The following HFM1 variants were observed in gnomAD, a reference collection of about 807,000 sequenced individuals.
The protein encoded by HFM1 is helicase for meiosis 1.
In HFM1, 169 loss-of-function variants were observed where a neutral mutation model predicts 192.1. The ratio of observed to expected loss-of-function variants is 0.88; its 90% CI spans 0.78 to 1.00. The LOEUF (loss-of-function observed/expected upper bound fraction) is 1.00, where lower values mean the gene tolerates loss of function less well. Among genes scored for constraint, HFM1 ranks in the 50% least tolerant of loss-of-function variants. The pLI is 0.00. For missense variants in HFM1, 1,661 were observed against 1,668.0 expected, an observed-to-expected ratio of 1.00 and a Z score of 0.07; for synonymous variants, 525 against 537.8, an observed-to-expected ratio of 0.98 and a Z score of 0.33.
At chr1:91,361,578 A>G (rs1658526856) in intron 13 of HFM1, among the ~76,000 whole-genome samples, 1 of 152,164 alleles carries the variant, frequency 6.6e-6, no homozygotes, top group Non-Finnish European at 1.5e-5. Context: ...ACCAACCAAA[A>G]AAAGCCCAGG....
intron 20 of HFM1, among the ~76,000 whole-genome samples, chr1:91,325,677 A>G (rs775966788): frequency 2.0e-5 from 3 of 152,156 alleles, no homozygotes; most frequent in Non-Finnish European, 2.9e-5. Context: ...GACTGTGAAG[A>G]CTAGAATAAA....
intron 2 of HFM1, among the ~76,000 whole-genome samples, chr1:91,396,877 G>A (rs527725729): frequency 1.3e-5 from 2 of 152,302 alleles, no homozygotes; most frequent in East Asian, 1.9e-4. Flanking sequence ...TTAGGAACCC[G>A]GCTGCACAGC....
At chr1:91,367,322 CT>C (rs1486351639) in intron 13 of HFM1, among the ~76,000 whole-genome samples, 4 of 152,214 alleles carry the variant, frequency 2.6e-5, no homozygotes, top group African/African-American at 9.6e-5. Flanking sequence ...AAGTGGGTCC[CT>C]GACCCCCAAG....
At chr1:91,304,965 A>C (rs746888675) in intron 30 of HFM1, among the ~76,000 whole-genome samples, 1 of 152,214 alleles carries the variant, frequency 6.6e-6, no homozygotes, top group Non-Finnish European at 1.5e-5. Context: ...CTTGTCAAAA[A>C]TAAACTGGCA....
At chr1:91,294,582 C>T (rs184512724) in intron 30 of HFM1, among the ~76,000 whole-genome samples, 1 of 152,194 alleles carries the variant, frequency 6.6e-6, no homozygotes, top group African/African-American at 2.4e-5. Context: ...TTGTCTATGG[C>T]TGCTTTTGGG....
intron 30 of HFM1, among the ~76,000 whole-genome samples, chr1:91,305,795 T>C (rs1022922483): frequency 6.6e-6 from 1 of 152,132 alleles, no homozygotes; most frequent in Non-Finnish European, 1.5e-5. Context: ...CTTGAACTCC[T>C]GGACTCAAGT....
At chr1:91,341,172 A>C (rs1655274237) in intron 20 of HFM1, among the ~76,000 whole-genome samples, 1 of 152,192 alleles carries the variant, frequency 6.6e-6, no homozygotes, top group Non-Finnish European at 1.5e-5. Context: ...CATACTCTAA[A>C]ATCAACCACA....
chr1:91,369,416 A>C (rs1420531372), intron 13 of HFM1, among the ~76,000 whole-genome samples: 1 of 152,224 alleles, frequency 6.6e-6, no homozygotes, highest in Non-Finnish European at 1.5e-5. Flanking sequence ...ACCACAGTGC[A>C]ATCACACTAG....
At chr1:91,331,201 A>T (rs937299930) in intron 20 of HFM1, among the ~76,000 whole-genome samples, 4 of 152,226 alleles carry the variant, frequency 2.6e-5, no homozygotes, top group Non-Finnish European at 4.4e-5. Flanking sequence ...TTGTTTGCAG[A>T]TGAAATAATC....
chr1:91,265,059 C>T (rs925799737), intron 36 of HFM1, among the ~76,000 whole-genome samples: 3 of 152,310 alleles, frequency 2.0e-5, no homozygotes, highest in Admixed American at 6.5e-5. Context: ...GTTTAGGCCT[C>T]ATTATAGTCT....
chr1:91,274,752 G>T lies in HFM1; in HGVS notation c.3646C>A (p.Pro1216Thr). 1 of 1,550,364 alleles carries T rather than the reference G, an allele frequency of 6.5e-7. No individual in the cohort carries two copies. Among genetic ancestry groups the T allele is most frequent in the Non-Finnish European group, 8.9e-7 (1 of 1,124,330 alleles). ...DLKEFGFTPK[P>T]SLPSISRSEY... is the part of the protein sequence containing the mutation. ...TACCTTGATATACTAGGAAGGGAAG[G>T]TTTTGGAGTAAAACCAAACTCTTTA... Residue 1216 changes from proline (P) to threonine (T), a missense_variant, in exon 33 of 39, where the codon CCT (proline) becomes ACT (threonine). Physicochemically the swap from Pro to Thr is conservative, Grantham distance 38. Transcript: ENST00000370425.
chr1:91,391,897 A>G (rs1437786970), intron 4 of HFM1, among the ~76,000 whole-genome samples: 1 of 152,226 alleles, frequency 6.6e-6, no homozygotes, highest in Non-Finnish European at 1.5e-5. Flanking sequence ...ACAAATTTAC[A>G]AGAAAAAAAT....
chr1:91,354,781 C>A (rs1373984686), intron 13 of HFM1, among the ~76,000 whole-genome samples: 1 of 151,916 alleles, frequency 6.6e-6, no homozygotes, highest in African/African-American at 2.4e-5. Context: ...AAAGTCTCAG[C>A]CAGATAAATA....
chr1:91,398,794 G>C (rs1027376196), intron 2 of HFM1, among the ~76,000 whole-genome samples: 2 of 151,950 alleles, frequency 1.3e-5, no homozygotes, highest in Non-Finnish European at 2.9e-5. Context: ...CTGGGTTCAA[G>C]TGATTCTCAT....
At position 91,273,797 on chromosome 1, in the gene HFM1, T is replaced by C. The variant is rs764769748; in HGVS notation, c.3687A>G (p.Ile1229Met). ...PSISRSEYLN[I>M]SELPIMEQWD... ...ACTGCTCCATTATAGGCAATTCAGA[T>C]ATGTTTAAATATTCTGACCTTTATA... Residue 1229 changes from isoleucine to methionine, a missense_variant, in exon 34 of 39, where the codon ATA becomes ATG. Ile to Met is a conservative substitution (Grantham distance 10). Coordinates refer to ENST00000370425, the MANE Select transcript of HFM1 (RefSeq NM_001017975.6). 3.0e-5 allele frequency: 47 copies of C among 1,566,796 alleles called. No homozygotes were observed. The highest frequency in any genetic ancestry group is 6.7e-5 in the Admixed American group (4 of 59,332).
intron 13 of HFM1, among the ~76,000 whole-genome samples, chr1:91,372,762 A>G (rs1459075217): frequency 1.3e-5 from 2 of 152,196 alleles, no homozygotes; most frequent in Non-Finnish European, 2.9e-5. Flanking sequence ...TAAGAATGCT[A>G]TAAAACTACA....
At position 91,380,228 on chromosome 1, in the gene HFM1, G is replaced by T; in HGVS notation, c.882C>A (p.Tyr294Ter). 1.3e-6 allele frequency: 2 copies of T among 1,540,536 alleles called. No homozygotes were observed. Among genetic ancestry groups the T allele is most frequent in the Non-Finnish European group, 1.8e-6 (2 of 1,141,824 alleles). ...CACAAATCACAAAATTCCTATCTGT[G>T]TAAAGAAGCTAAAAAATAAAAAGTA... ...IQSKAFDDLLYTDRNFVICAP... is the reference protein window; with the variant it reads ...IQSKAFDDLL Residue 294 changes from tyrosine to a stop codon, truncating the protein, a stop_gained, in exon 8 of 39, where the codon TAC (tyrosine) becomes TAA (stop). Coordinates refer to ENST00000370425, the MANE Select transcript of HFM1 (RefSeq NM_001017975.6). LOFTEE classifies it high-confidence loss of function.
chr1:91,407,582 C>T (rs1175796321), upstream of HFM1, among the ~76,000 whole-genome samples: 1 of 152,118 alleles, frequency 6.6e-6, no homozygotes, highest in Non-Finnish European at 1.5e-5. Flanking sequence ...AATTTTACTC[C>T]TTTTTAAGGC....
At chr1:91,362,296 A>G (rs1043004919) in intron 13 of HFM1, among the ~76,000 whole-genome samples, 3 of 152,200 alleles carry the variant, frequency 2.0e-5, no homozygotes, top group African/African-American at 7.2e-5. Context: ...AGAAAACGTC[A>G]TCTTCTCAGC....
Sources: gnomAD v4.1 joint callset for allele counts (sites outside exome capture counted in the v4.1 genomes callset) on GRCh38, gnomAD v4.1.1 for gene constraint, MANE v1.5 for transcripts, NCBI Gene and HGNC (gene_info 2026-07-23, HGNC 2026-07-21) for gene names.